Variants in ITGBL1 observed in about 807,000 individuals in gnomAD.
The protein encoded by ITGBL1 is integrin subunit beta like 1.
Under a neutral mutation model 68.5 loss-of-function variants are expected in ITGBL1, and 51 were observed. The ratio of observed to expected loss-of-function variants is 0.74; its 90% confidence interval spans 0.59 to 0.94. The LOEUF (loss-of-function observed/expected upper bound fraction) is 0.94. Among genes scored for constraint, ITGBL1 ranks in the 40% least tolerant of loss-of-function variants. The pLI is 0.00. For missense variants in ITGBL1, 649 were observed against 647.4 expected, an observed-to-expected ratio of 1.00 and a Z score of -0.03; for synonymous variants, 209 against 227.3, an observed-to-expected ratio of 0.92 and a Z score of 0.72.
In ITGBL1 at chr13:101,493,171, A is replaced by G. The variant is rs545282050; in HGVS notation, c.316+39071A>G. Among the ~76,000 whole-genome samples the G allele has an allele frequency of 7.9e-5, 12 of 152,278 alleles. No homozygotes were observed. In the South Asian group the frequency reaches 8.3e-4, roughly 11 times the overall value. On this transcript the variant is annotated intron_variant, in intron 2 of 10. Coordinates refer to ENST00000376180, the MANE Select transcript of ITGBL1 (RefSeq NM_004791.3). ...AGGAGCTGATATTTAGAGCTTAGAT[A>G]CACCTCTACTATTTTATAAATAAAG...
intron 7 of ITGBL1, among the ~76,000 whole-genome samples, chr13:101,685,459 C>A (rs979368437): frequency 1.3e-5 from 2 of 152,036 alleles, no homozygotes; most frequent in Non-Finnish European, 2.9e-5. Flanking sequence ...GGCATAAAGA[C>A]AGACCATCTG....
At chr13:101,483,288 G>A (rs1041432054) in intron 2 of ITGBL1, among the ~76,000 whole-genome samples, 4 of 152,190 alleles carry the variant, frequency 2.6e-5, no homozygotes, top group African/African-American at 4.8e-5. Context: ...TGAATGGGAT[G>A]TTCCAGTTGT....
At chr13:101,622,328 C>T (rs74989962) in intron 7 of ITGBL1, among the ~76,000 whole-genome samples, 1,645 of 152,180 alleles carry the variant, frequency 0.011, 15 homozygotes, top group Non-Finnish European at 0.016. Context: ...ATAACACCAG[C>T]GTCTCTGTCT....
chr13:101,693,240 G>A (rs904660030), intron 8 of ITGBL1, among the ~76,000 whole-genome samples: 4 of 152,146 alleles, frequency 2.6e-5, no homozygotes, highest in African/African-American at 9.7e-5. Flanking sequence ...CAGGAGTAGA[G>A]TGCTGATCCG....
chr13:101,526,130 C>T (rs2049372737), intron 2 of ITGBL1, among the ~76,000 whole-genome samples: 1 of 142,822 alleles, frequency 7.0e-6, no homozygotes, highest in Non-Finnish European at 1.5e-5. Flanking sequence ...GAGCCAAAGG[C>T]TAGTTTCTTC....
intron 1 of ITGBL1, 134 bp downstream of exon 1, chr13:101,453,065 C>G: frequency 3.0e-6 from 2 of 676,580 alleles, no homozygotes. Context: ...CAACCTGTTC[C>G]TTTTCCTCTC....
intron 2 of ITGBL1, among the ~76,000 whole-genome samples, chr13:101,549,843 A>G (rs2049891899): frequency 6.6e-6 from 1 of 152,100 alleles, no homozygotes; most frequent in African/African-American, 2.4e-5. Context: ...TATAACTTTG[A>G]AAACAAATCT....
chr13:101,472,851 A>G (rs2048482209), intron 2 of ITGBL1, among the ~76,000 whole-genome samples: 1 of 152,186 alleles, frequency 6.6e-6, no homozygotes, highest in Non-Finnish European at 1.5e-5. Context: ...AAACATATTT[A>G]TCCATATCAA....
rs770709419 is a variant in ITGBL1, at chr13:101,634,870, A to G, written c.1015+36571A>G. Among the ~76,000 whole-genome samples the G allele has an allele frequency of 4.1e-4, 62 of 152,028 alleles. 1 individual carries two copies. The highest frequency in any genetic ancestry group is 2.1e-4 in the South Asian group (1 of 4,822). Reference sequence around the variant, plus strand: ...AGGGGTGAATGAAAAGGGAGCTGATAAGGAACCAATGTTTTATCTAAGACC... The same window carrying G: ...AGGGGTGAATGAAAAGGGAGCTGATGAGGAACCAATGTTTTATCTAAGACC... On this transcript the variant is annotated intron_variant, in intron 7 of 10. Coordinates refer to ENST00000376180, the MANE Select transcript of ITGBL1 (RefSeq NM_004791.3).
At chr13:101,701,305 C>T (rs1286558837) in intron 8 of ITGBL1, among the ~76,000 whole-genome samples, 4 of 152,024 alleles carry the variant, frequency 2.6e-5, no homozygotes, top group African/African-American at 9.7e-5. Flanking sequence ...GAGGCCGAGG[C>T]GGGCAGATCA....
chr13:101,720,076 T>A (rs1302304153), downstream of ITGBL1: 1 of 152,140 alleles, frequency 6.6e-6, no homozygotes, highest in Non-Finnish European at 1.5e-5. Flanking sequence ...AATATTTTAT[T>A]CAATATGTTG....
chr13:101,477,890 G>A (rs2048560239), intron 2 of ITGBL1, among the ~76,000 whole-genome samples: 1 of 151,990 alleles, frequency 6.6e-6, no homozygotes, highest in Non-Finnish European at 1.5e-5. Flanking sequence ...TGGTTTCACT[G>A]CTCAATTTTA....
At position 101,544,493 on chromosome 13, in the gene ITGBL1, C is replaced by T. The variant is rs566099266; in HGVS notation, c.317-23206C>T. 4.6e-5 allele frequency among the ~76,000 whole-genome samples: 7 copies of T among 152,308 alleles called. No homozygotes were observed. In the South Asian group the frequency reaches 8.3e-4, roughly 18 times the overall value. ...GGGGGTGCCTCCCAGCTAGGCTCCT[C>T]GGGGGTCAGGGACCCACTTGAGGAG... On this transcript the variant is annotated intron_variant, in intron 2 of 10. Transcript: ENST00000376180.
intron 2 of ITGBL1, among the ~76,000 whole-genome samples, chr13:101,500,213 A>G (rs1451461428): frequency 6.6e-6 from 1 of 152,216 alleles, no homozygotes; most frequent in East Asian, 1.9e-4. Flanking sequence ...AAAAAGTCCA[A>G]TAAAATATAT....
rs529497601 is a variant in ITGBL1, at chr13:101,460,824, C to T, written c.316+6724C>T. Among the ~76,000 whole-genome samples, 29 of 152,236 alleles carry T rather than the reference C, an allele frequency of 1.9e-4. No individual in the cohort carries two copies. In the East Asian group the frequency reaches 5.6e-3, roughly 29 times the overall value. Reference sequence around the variant, plus strand: ...GGGGTACCACATTCTTTTAAGCAACCAGCTGTCCTGTGAACAAATAGAGAA... The same window carrying T: ...GGGGTACCACATTCTTTTAAGCAACTAGCTGTCCTGTGAACAAATAGAGAA... On this transcript the variant is annotated intron_variant, in intron 2 of 10. Transcript: ENST00000376180.
chr13:101,716,449 CTG>C (rs2034725093), downstream of ITGBL1: 2 of 152,092 alleles, frequency 1.3e-5, no homozygotes, highest in South Asian at 4.1e-4. Flanking sequence ...TGTTTATACT[CTG>C]TGTCAGTATA....
intron 9 of ITGBL1, among the ~76,000 whole-genome samples, chr13:101,707,141 G>T (rs534115127): frequency 6.6e-6 from 1 of 152,294 alleles, no homozygotes; most frequent in African/African-American, 2.4e-5. Context: ...ATTGCTGAAT[G>T]AAATAGAATT....
chr13:101,587,975 A>G (rs1216381566), intron 6 of ITGBL1, among the ~76,000 whole-genome samples: 2 of 152,244 alleles, frequency 1.3e-5, no homozygotes, highest in African/African-American at 4.8e-5. Flanking sequence ...TTTAAAAAGA[A>G]AGAAGTATCC....
intron 7 of ITGBL1, among the ~76,000 whole-genome samples, chr13:101,656,779 G>T (rs764726110): frequency 5.3e-5 from 8 of 151,738 alleles, no homozygotes; most frequent in Admixed American, 5.3e-4. Context: ...GTAATACATC[G>T]ATTGCAGCTC....
Sources: gnomAD v4.1 joint callset for allele counts (sites outside exome capture counted in the v4.1 genomes callset) on GRCh38, gnomAD v4.1.1 for gene constraint, MANE v1.5 for transcripts, NCBI Gene and HGNC (gene_info 2026-07-23, HGNC 2026-07-21) for gene names.